Variants in KLHL5 observed in about 807,000 individuals in gnomAD.
KLHL5 encodes kelch like family member 5, also known as kelch-like protein 5.
KLHL5 carries 48 observed loss-of-function variants against 77.7 expected under a neutral mutation model. The ratio of observed to expected loss-of-function variants is 0.62; its 90% CI spans 0.49 to 0.79. The LOEUF (loss-of-function observed/expected upper bound fraction) is 0.79, where lower values mean the gene tolerates loss of function less well. KLHL5 is among the 30% of genes least tolerant of loss of function. The probability of loss-of-function intolerance (pLI) is 0.00; values close to 1 mark genes in which losing one functional copy is unlikely to be tolerated. For synonymous variants in KLHL5, 260 were observed against 297.0 expected, an observed-to-expected ratio of 0.88 and a Z score of 1.28; for missense variants, 723 against 859.7, an observed-to-expected ratio of 0.84 and a Z score of 1.99.
At chr4:39,129,980 C>T (rs1326952273), downstream of KLHL5, among the ~76,000 whole-genome samples, 1 of 152,094 alleles carries the variant, frequency 6.6e-6, no homozygotes, top group East Asian at 1.9e-4. This position sits in a 1 kb window ranked among gnomAD's most constrained non-coding sequence, Gnocchi z 4.2. Context: ...GGAGTTGTTA[C>T]CCCATTGCTT....
At chr4:39,119,294 A>AAG (rs1298788728) in intron 10 of KLHL5, among the ~76,000 whole-genome samples, 23 of 152,140 alleles carry the variant, frequency 1.5e-4, no homozygotes, top group Admixed American at 1.4e-3. Context: ...TGAAAAATAA[A>AAG]AGTTTTCCTG....
intron 10 of KLHL5, among the ~76,000 whole-genome samples, chr4:39,116,909 T>A (rs908836938): frequency 3.7e-4 from 56 of 152,120 alleles, no homozygotes; most frequent in African/African-American, 1.3e-3. Context: ...CGATCTCAGC[T>A]CACTGCAACC....
chr4:39,080,333 C>G (rs1286763198), intron 2 of KLHL5, among the ~76,000 whole-genome samples: 2 of 151,926 alleles, frequency 1.3e-5, no homozygotes, highest in African/African-American at 4.8e-5. Flanking sequence ...TCAAGACCAA[C>G]CTGGCCATCA....
At position 39,081,524 on chromosome 4, in the gene KLHL5, T is replaced by G. The variant is rs933072284; in HGVS notation, c.703+285T>G. ...ATTTAAAATTTGAGAGTTGGCCAGG[T>G]GCAGTGGCTTATGCCTGTAAATCCC... On this transcript the variant is annotated intron_variant, in intron 3 of 10. Transcript: ENST00000504108. The surrounding 1 kb of genome is among the most constrained non-coding windows in gnomAD (Gnocchi z 4.3). Among the ~76,000 whole-genome samples the G allele has an allele frequency of 6.6e-6, 1 of 152,094 alleles. No individual in the cohort carries two copies. Among genetic ancestry groups the G allele is most frequent in the Non-Finnish European group, 1.5e-5 (1 of 68,022 alleles).
rs1214121030 is a variant in KLHL5 at position 39,123,952 on chromosome 4, CAA to C, written c.*2889_*2890del. 6.6e-6 allele frequency among the ~76,000 whole-genome samples: 1 copy of C among 152,094 alleles called. No individual in the cohort carries two copies. Among genetic ancestry groups the C allele is most frequent in the Non-Finnish European group, 1.5e-5 (1 of 68,000 alleles). On this transcript the variant is annotated 3_prime_UTR_variant, in exon 11 of 11. Coordinates refer to ENST00000504108, the MANE Select transcript of KLHL5 (RefSeq NM_015990.5). ...TATATTAAAAATCCTAAAGAATCCA[CAA>C]AATGATTCCGGCTGATTTTAAAAAT... is the stretch of plus-strand genomic sequence containing the variant.
chr4:39,060,409 T>C (rs1339280668), upstream of KLHL5, among the ~76,000 whole-genome samples: 1 of 151,232 alleles, frequency 6.6e-6, no homozygotes, highest in African/African-American at 2.4e-5. Flanking sequence ...TCAATGCCTA[T>C]AGCACTCTGG....
intron 2 of KLHL5, among the ~76,000 whole-genome samples, chr4:39,079,300 A>G (rs997970666): frequency 1.1e-4 from 16 of 152,196 alleles, no homozygotes; most frequent in Non-Finnish European, 1.8e-4. Flanking sequence ...TCTTTGATCA[A>G]ATCTTTCATT....
upstream of KLHL5, among the ~76,000 whole-genome samples, chr4:39,060,865 A>G (rs1436302486): frequency 2.0e-5 from 3 of 152,144 alleles, no homozygotes; most frequent in East Asian, 3.9e-4. Flanking sequence ...TCCATTCAAT[A>G]ATGTCTTTGC....
chr4:39,086,767 C>A (rs780325401), intron 5 of KLHL5, 40 bp downstream of exon 5: 2 of 1,435,704 alleles, frequency 1.4e-6, no homozygotes, highest in Middle Eastern at 1.8e-4. Flanking sequence ...TTTTCTTTGC[C>A]TATTCTATCA....
rs1723400147 is a variant in KLHL5 at position 39,124,380 on chromosome 4, T to A, written c.*3314T>A. On this transcript the variant is annotated 3_prime_UTR_variant, in exon 11 of 11. Coordinates refer to ENST00000504108, the MANE Select transcript of KLHL5 (RefSeq NM_015990.5). ...TGTTCAAAACAATCTTGAACAAGAA[T>A]AAAGTTGAAGGACTCACATTTTCCA... 6.6e-6 allele frequency among the ~76,000 whole-genome samples: 1 copy of A among 152,142 alleles called. No homozygotes were observed. Among genetic ancestry groups the A allele is most frequent in the African/African-American group, 2.4e-5 (1 of 41,436 alleles).
At chr4:39,129,244 A>C (rs1235222253), downstream of KLHL5, among the ~76,000 whole-genome samples, 3 of 147,182 alleles carry the variant, frequency 2.0e-5, no homozygotes, top group African/African-American at 7.5e-5. The surrounding 1 kb of genome is among the most constrained non-coding windows in gnomAD (Gnocchi z 4.2). Context: ...GTGCAGTGGC[A>C]TTGCCCAGGC....
intron 10 of KLHL5, among the ~76,000 whole-genome samples, chr4:39,118,532 G>T (rs559215573): frequency 5.8e-4 from 89 of 152,266 alleles, no homozygotes; most frequent in African/African-American, 2.0e-3. Context: ...AAGGCGGGTG[G>T]GTCACCTGAG....
chr4:39,050,561 A>T (rs1716563114), intron 1 of KLHL5, among the ~76,000 whole-genome samples: 1 of 152,216 alleles, frequency 6.6e-6, no homozygotes, highest in African/African-American at 2.4e-5. Context: ...TTAATCTAAG[A>T]GTTTATGAAC....
Position 39,062,439 on chromosome 4 carries a change from G to T in KLHL5, c.-214G>T. On this transcript the variant is annotated 5_prime_UTR_variant, in exon 1 of 11. Transcript: ENST00000504108. The stretch of plus-strand genomic sequence containing the variant: ...CTCTGATTGAACGGAATGTTCCACC[G>T]TGTTTCATCTTTATTCATTATCCTT... 2.0e-6 allele frequency: 3 copies of T among 1,527,512 alleles called. No homozygotes were observed. The highest frequency in any genetic ancestry group is 2.6e-6 in the Non-Finnish European group (3 of 1,143,622). The allele number at this position is 1,527,512 out of a possible 1,614,324, so 94.6% of individuals were successfully genotyped here.
intron 1 of KLHL5, among the ~76,000 whole-genome samples, chr4:39,073,093 TA>T: frequency 6.6e-6 from 1 of 152,310 alleles, no homozygotes; most frequent in East Asian, 1.9e-4. Context: ...CAATAATATT[TA>T]AAAAATTATT....
intron 2 of KLHL5, among the ~76,000 whole-genome samples, chr4:39,080,270 T>A (rs1164790259): frequency 1.3e-5 from 2 of 152,194 alleles, no homozygotes; most frequent in Non-Finnish European, 2.9e-5. Context: ...CTCACTCCTG[T>A]AATCCTAGCT....
chr4:39,064,073 G>A (rs1717672865), intron 1 of KLHL5, among the ~76,000 whole-genome samples: 1 of 152,084 alleles, frequency 6.6e-6, no homozygotes, highest in Non-Finnish European at 1.5e-5. Flanking sequence ...TATTAATGAT[G>A]TAGGTGTCAT....
In KLHL5 at chr4:39,081,321, A is replaced by G; in HGVS notation, c.703+82A>G. 1.7e-6 allele frequency: 2 copies of G among 1,206,246 alleles called. No homozygotes were observed. The highest frequency in any genetic ancestry group is 2.6e-5 in the East Asian group (1 of 39,064). 74.7% of individuals were successfully genotyped at this position (1,206,246 alleles called of 1,614,324 possible). On this transcript the variant is annotated intron_variant, in intron 3 of 10. Transcript: ENST00000504108. This position sits in a 1 kb window ranked among gnomAD's most constrained non-coding sequence, Gnocchi z 4.3. ...TTTCAGATTTCTGTTTTTAGAAAGC[A>G]TGCCATAGCTAACAGTTAGTTCTGC...
In KLHL5 at chr4:39,096,699, C is replaced by G; in HGVS notation, c.1121C>G (p.Ala374Gly). Residue 374 changes from alanine (A) to glycine (G), a missense_variant, in exon 6 of 11, where the codon GCA becomes GGA. Around this residue, in one of 3 missense-constraint regions of KLHL5, gnomAD observed 288 missense variants for 400.3 expected, o/e 0.72. Coordinates refer to ENST00000504108, the MANE Select transcript of KLHL5 (RefSeq NM_015990.5). ...RLPLLAPQFL[A>G]DMENNVLFRD... is the part of the protein sequence containing the mutation. ...CCTACTATTCTTTTCTAGTTCCTGG[C>G]AGACATGGAAAATAATGTACTTTTT... 1 of 1,609,594 alleles carries G rather than the reference C, an allele frequency of 6.2e-7. No individual in the cohort carries two copies. Among genetic ancestry groups the G allele is most frequent in the Non-Finnish European group, 8.5e-7 (1 of 1,176,256 alleles).
Sources: allele counts gnomAD v4.1 joint callset (sites outside exome capture counted in the v4.1 genomes callset), GRCh38; gene constraint gnomAD v4.1.1; regional missense constraint gnomAD v4.1.1; non-coding constraint Gnocchi (gnomAD v3.1); transcripts MANE v1.5; gene names NCBI Gene and HGNC (gene_info 2026-07-23, HGNC 2026-07-21).